The following CUBN variants were observed in gnomAD, a reference collection of about 807,000 sequenced individuals.
CUBN encodes the protein cubilin, also known as 460 kDa receptor.
CUBN carries 282 observed loss-of-function variants against 405.3 expected under a neutral mutation model. The ratio of observed to expected loss-of-function variants is 0.70; its 90% CI spans 0.63 to 0.77. The LOEUF (loss-of-function observed/expected upper bound fraction) is 0.77. CUBN is among the 30% of genes least tolerant of loss of function. CUBN has a pLI of 0.00. For missense variants in CUBN, 4,514 were observed against 4,475.2 expected (o/e 1.01, Z -0.25); for synonymous variants, 1,684 against 1,617.0 (o/e 1.04, Z -0.99).
rs1056686661 is a variant in CUBN, at chr10:16,844,822, C to T, written c.9664-3775G>A. 4.6e-5 allele frequency among the ~76,000 whole-genome samples: 7 copies of T among 152,108 alleles called. No individual in the cohort carries two copies. In the South Asian group the frequency reaches 8.3e-4, roughly 18 times the overall value. On this transcript the variant is annotated intron_variant, in intron 60 of 66. Coordinates refer to ENST00000377833, the MANE Select transcript of CUBN (RefSeq NM_001081.4). ...TTGCCCTACAATGCGTTGCAGGGGA[C>T]GCCCTATCCAATGATGAGGAGGGGG...
Position 16,947,352 on chromosome 10 carries a change from A to C in CUBN, c.5225T>G (p.Phe1742Cys), listed in dbSNP as rs1281019723. 2 of 1,614,138 alleles carry C rather than the reference A, an allele frequency of 1.2e-6. No individual in the cohort carries two copies. Among genetic ancestry groups the C allele is most frequent in the South Asian group, 2.2e-5 (2 of 91,084 alleles). Reference sequence around the variant, plus strand: ...GTTGAAGATGCCTTCAGCCATGTAGAACGTTCCACCACAAGCTGGAAGAAA... The same window carrying C: ...GTTGAAGATGCCTTCAGCCATGTAGCACGTTCCACCACAAGCTGGAAGAAA... ...TASVSACGGT[F>C]YMAEGIFNSP... Residue 1742 changes from phenylalanine (F) to cysteine (C), a missense_variant, in exon 36 of 67, where the codon TTC (phenylalanine) becomes TGC (cysteine). Transcript: ENST00000377833.
intron 23 of CUBN, among the ~76,000 whole-genome samples, chr10:17,047,212 C>T (rs990926770): frequency 6.6e-6 from 1 of 152,122 alleles, no homozygotes; most frequent in Non-Finnish European, 1.5e-5. Context: ...ATAATCACTT[C>T]AAAATAACCA....
chr10:16,924,230 C>A (rs1215063088), intron 43 of CUBN, among the ~76,000 whole-genome samples: 1 of 152,114 alleles, frequency 6.6e-6, no homozygotes, highest in Non-Finnish European at 1.5e-5. Flanking sequence ...GACTCAGCTG[C>A]AAAGCTCAGC....
chr10:16,908,400 C>T (rs1486155495), intron 48 of CUBN, among the ~76,000 whole-genome samples: 1 of 152,132 alleles, frequency 6.6e-6, no homozygotes, highest in Non-Finnish European at 1.5e-5. Context: ...CTGCTTTGGC[C>T]TCCCAAAGTG....
At chr10:16,878,867 C>G (rs1840589479) in intron 56 of CUBN, among the ~76,000 whole-genome samples, 1 of 152,220 alleles carries the variant, frequency 6.6e-6, no homozygotes, top group South Asian at 2.1e-4. Flanking sequence ...GTTTTTGAGT[C>G]CATCCATGTA....
At chr10:17,036,677 A>T (rs1834909030) in intron 27 of CUBN, among the ~76,000 whole-genome samples, 1 of 152,212 alleles carries the variant, frequency 6.6e-6, no homozygotes, top group South Asian at 2.1e-4. Flanking sequence ...GATCAGTAAG[A>T]TTAACAGTAA....
chr10:16,959,293 T>C (rs1170480352), intron 31 of CUBN, among the ~76,000 whole-genome samples: 1 of 152,190 alleles, frequency 6.6e-6, no homozygotes, highest in Non-Finnish European at 1.5e-5. Context: ...TTTTGAAATA[T>C]AAATTCTTTC....
At chr10:17,068,815 T>G in intron 19 of CUBN, 45 bp from the exon 20 acceptor site, 1 of 1,375,496 alleles carries the variant, frequency 7.3e-7, no homozygotes, top group Non-Finnish European at 1.0e-6. Context: ...ATATCAATTT[T>G]GAAAACTGCT....
intron 14 of CUBN, among the ~76,000 whole-genome samples, chr10:17,089,431 AAAG>A (rs1210764884): frequency 6.6e-6 from 1 of 152,242 alleles, no homozygotes; most frequent in Non-Finnish European, 1.5e-5. Context: ...GAACTTCTAA[AAAG>A]AATAGAGACA....
chr10:17,094,431 G>T (rs188159199), intron 14 of CUBN, among the ~76,000 whole-genome samples: 10 of 152,116 alleles, frequency 6.6e-5, no homozygotes, highest in Admixed American at 5.2e-4. Flanking sequence ...TCAGGCTGAA[G>T]AAAAATGATC....
At chr10:16,976,261 C>T (rs1833089900) in intron 31 of CUBN, among the ~76,000 whole-genome samples, 1 of 152,118 alleles carries the variant, frequency 6.6e-6, no homozygotes. Context: ...TGTGATCTAC[C>T]ATACACATCC....
At chr10:16,892,022 A>G (rs1465868618) in intron 54 of CUBN, among the ~76,000 whole-genome samples, 2 of 152,330 alleles carry the variant, frequency 1.3e-5, no homozygotes, top group East Asian at 1.9e-4. Flanking sequence ...CTCATTCCAA[A>G]CACATCTCTT....
intron 28 of CUBN, among the ~76,000 whole-genome samples, chr10:16,992,062 T>TA (rs1179153308): frequency 6.6e-6 from 1 of 152,294 alleles, no homozygotes; most frequent in Admixed American, 6.5e-5. Context: ...TATGCAGCCA[T>TA]AAAAAATGAT....
intron 19 of CUBN, among the ~76,000 whole-genome samples, chr10:17,069,718 A>AT (rs1183508010): frequency 6.6e-6 from 1 of 151,952 alleles, no homozygotes; most frequent in Non-Finnish European, 1.5e-5. Context: ...TATTTTTAAA[A>AT]TTTTTTGTAG....
chr10:16,829,803 T>A (rs1838920670), intron 65 of CUBN, among the ~76,000 whole-genome samples: 1 of 151,954 alleles, frequency 6.6e-6, no homozygotes, highest in Admixed American at 6.6e-5. Context: ...AACTCATTAA[T>A]CTTGGTGGGT....
intron 34 of CUBN, among the ~76,000 whole-genome samples, chr10:16,949,700 A>G (rs1304239609): frequency 6.6e-6 from 1 of 152,118 alleles, no homozygotes; most frequent in Non-Finnish European, 1.5e-5. Flanking sequence ...TTCTGATAGA[A>G]TGCTACCTAA....
chr10:16,828,707 A>C (rs1838871531), intron 66 of CUBN, 98 bp downstream of exon 66: 1 of 947,218 alleles, frequency 1.1e-6, no homozygotes, highest in African/African-American at 1.6e-5. Flanking sequence ...GGGTGACAAG[A>C]GCGAGATTCC....
chr10:16,868,853 A>C (rs1173305849), intron 59 of CUBN, among the ~76,000 whole-genome samples: 2 of 152,156 alleles, frequency 1.3e-5, no homozygotes, highest in Non-Finnish European at 2.9e-5. Context: ...AGGTCTTCCA[A>C]CTTAAAATAC....
intron 17 of CUBN, among the ~76,000 whole-genome samples, chr10:17,083,279 G>A (rs1836012495): frequency 6.6e-6 from 1 of 152,176 alleles, no homozygotes; most frequent in African/African-American, 2.4e-5. Flanking sequence ...GCTGAGGCCG[G>A]AGGATCACCT....
Sources: gnomAD v4.1 joint callset for allele counts (sites outside exome capture counted in the v4.1 genomes callset) on GRCh38, gnomAD v4.1.1 for gene constraint, MANE v1.5 for transcripts, NCBI Gene and HGNC (gene_info 2026-07-23, HGNC 2026-07-21) for gene names.